The following KIFAP3 variants were observed in gnomAD, a reference collection of about 807,000 sequenced individuals.
KIFAP3 encodes kinesin-associated protein 3.
Under a neutral mutation model 106.5 loss-of-function variants are expected in KIFAP3, and 68 were observed. The ratio of observed to expected loss-of-function variants is 0.64; its 90% CI spans 0.53 to 0.78. The LOEUF (loss-of-function observed/expected upper bound fraction) is 0.78, where lower values mean the gene tolerates loss of function less well. KIFAP3 is among the 30% of genes least tolerant of loss of function. KIFAP3 has a pLI of 0.00. For synonymous variants in KIFAP3, 320 were observed against 311.5 expected (o/e 1.03, Z -0.29); for missense variants, 780 against 941.8 (o/e 0.83, Z 2.25).
chr1:170,065,354 C>A (rs1436687769), intron 1 of KIFAP3, among the ~76,000 whole-genome samples: 1 of 151,998 alleles, frequency 6.6e-6, no homozygotes, highest in Non-Finnish European at 1.5e-5. Flanking sequence ...TGGCTCACGC[C>A]TGTAATCCCA....
chr1:170,053,681 T>C (rs1670693320), intron 2 of KIFAP3, among the ~76,000 whole-genome samples: 1 of 151,512 alleles, frequency 6.6e-6, no homozygotes, highest in South Asian at 2.1e-4. Context: ...GACTCAGAAA[T>C]AACACCACAC....
intron 11 of KIFAP3, 40 bp downstream of exon 11, chr1:169,992,115 A>G: frequency 1.0e-6 from 1 of 964,930 alleles, no homozygotes; most frequent in Non-Finnish European, 1.5e-6. Context: ...AAATATATAT[A>G]TTTGTTAAAT....
chr1:169,933,245 A>G (rs906722778), intron 19 of KIFAP3, among the ~76,000 whole-genome samples: 1 of 152,032 alleles, frequency 6.6e-6, no homozygotes, highest in Non-Finnish European at 1.5e-5. Flanking sequence ...CCATTAGTTC[A>G]GTAATTTCAG....
intron 10 of KIFAP3, among the ~76,000 whole-genome samples, chr1:170,008,891 G>C (rs1668103726): frequency 6.6e-6 from 1 of 152,134 alleles, no homozygotes; most frequent in Non-Finnish European, 1.5e-5. Flanking sequence ...ATGATAGACT[G>C]GATAAAGAAA....
intron 15 of KIFAP3, among the ~76,000 whole-genome samples, chr1:169,979,935 A>G (rs1177572457): frequency 3.3e-5 from 5 of 152,216 alleles, no homozygotes; most frequent in Admixed American, 3.3e-4. Context: ...AAAATATTAT[A>G]CATAACAATG....
At chr1:169,923,513 CATCTTTT>C (rs1662938988) in intron 19 of KIFAP3, among the ~76,000 whole-genome samples, 6 of 152,186 alleles carry the variant, frequency 3.9e-5, no homozygotes, top group African/African-American at 9.7e-5. Context: ...GTTCCTTCTT[CATCTTTT>C]GCTTATTACC....
At chr1:169,946,886 G>C (rs1029951041) in intron 19 of KIFAP3, among the ~76,000 whole-genome samples, 12 of 151,890 alleles carry the variant, frequency 7.9e-5, no homozygotes, top group African/African-American at 2.9e-4. Context: ...TTCATGTAAA[G>C]ATTATGTAAG....
At chr1:169,954,796 T>A (rs924159521) in intron 18 of KIFAP3, among the ~76,000 whole-genome samples, 1 of 152,192 alleles carries the variant, frequency 6.6e-6, no homozygotes, top group African/African-American at 2.4e-5. Flanking sequence ...GTGAGATATA[T>A]CTGATTACCT....
At chr1:170,066,621 TGAAAA>T (rs1192351218) in intron 1 of KIFAP3, among the ~76,000 whole-genome samples, 1 of 152,150 alleles carries the variant, frequency 6.6e-6, no homozygotes, top group Non-Finnish European at 1.5e-5. Flanking sequence ...ATCTGCTAAC[TGAAAA>T]GAGAGGGCTG....
intron 15 of KIFAP3, among the ~76,000 whole-genome samples, chr1:169,980,242 T>C (rs573164690): frequency 6.6e-6 from 1 of 152,296 alleles, no homozygotes; most frequent in African/African-American, 2.4e-5. Flanking sequence ...AATTTATGTA[T>C]GTTATTACAT....
At chr1:170,071,079 G>A (rs1045184581) in intron 1 of KIFAP3, among the ~76,000 whole-genome samples, 1 of 152,178 alleles carries the variant, frequency 6.6e-6, no homozygotes, top group African/African-American at 2.4e-5. Context: ...TTACAGAACA[G>A]AAAATAACAG....
intron 11 of KIFAP3, among the ~76,000 whole-genome samples, chr1:169,985,536 A>G (rs1287538357): frequency 6.6e-6 from 1 of 151,894 alleles, no homozygotes; most frequent in African/African-American, 2.4e-5. Flanking sequence ...TAGGGTAGAA[A>G]AAAACTTTAA....
chr1:169,991,050 T>C (rs1667074130), intron 11 of KIFAP3, among the ~76,000 whole-genome samples: 1 of 152,028 alleles, frequency 6.6e-6, no homozygotes, highest in Admixed American at 6.6e-5. Context: ...AGTTAAAAAA[T>C]TGGGAAGGCC....
chr1:170,079,814 G>A (rs1393690220), intron 1 of KIFAP3, among the ~76,000 whole-genome samples: 1 of 151,478 alleles, frequency 6.6e-6, no homozygotes, highest in African/African-American at 2.4e-5. Context: ...GAATGTCAAT[G>A]TATTTTGATA....
At chr1:169,956,762 T>C (rs1282039835) in intron 18 of KIFAP3, among the ~76,000 whole-genome samples, 1 of 151,946 alleles carries the variant, frequency 6.6e-6, no homozygotes, top group Non-Finnish European at 1.5e-5. Context: ...TACCACCACA[T>C]CTGGCTAATT....
chr1:170,008,645 A>G (rs1668091692), intron 10 of KIFAP3, among the ~76,000 whole-genome samples: 1 of 152,238 alleles, frequency 6.6e-6, no homozygotes, highest in Admixed American at 6.5e-5. Context: ...GATGTGGAGA[A>G]ATAGGAACGC....
chr1:169,978,307 G>A, intron 15 of KIFAP3, 124 bp from the exon 16 acceptor site: 1 of 596,714 alleles, frequency 1.7e-6, no homozygotes, highest in African/African-American at 1.9e-5. Context: ...AAGCAGAAAT[G>A]GATTTAACTT....
At chr1:169,935,202 A>G (rs964540286) in intron 19 of KIFAP3, among the ~76,000 whole-genome samples, 3 of 152,082 alleles carry the variant, frequency 2.0e-5, no homozygotes, top group East Asian at 1.9e-4. Flanking sequence ...TTGGGCACCT[A>G]TATCAATATA....
intron 9 of KIFAP3, among the ~76,000 whole-genome samples, chr1:170,018,376 AC>A (rs1668627411): frequency 6.6e-6 from 1 of 152,158 alleles, no homozygotes; most frequent in Non-Finnish European, 1.5e-5. Flanking sequence ...AAGAGAACTT[AC>A]TTTATAGTAA....
Sources: allele counts gnomAD v4.1 joint callset (sites outside exome capture counted in the v4.1 genomes callset), GRCh38; gene constraint gnomAD v4.1.1; transcripts MANE v1.5; gene names NCBI Gene and HGNC (gene_info 2026-07-23, HGNC 2026-07-21).